The following GKAP1 variants were observed in gnomAD, a reference collection of about 807,000 sequenced individuals.
GKAP1 encodes G kinase anchoring protein 1.
GKAP1 carries 31 observed loss-of-function variants against 56.7 expected under a neutral mutation model. The ratio of observed to expected loss-of-function variants is 0.55; its 90% CI spans 0.41 to 0.74. The LOEUF is 0.74. Among genes scored for constraint, GKAP1 ranks in the 30% least tolerant of loss-of-function variants. The pLI is 0.00. For synonymous variants in GKAP1, 151 were observed against 138.6 expected (o/e 1.09, Z -0.63); for missense variants, 364 against 402.3 (o/e 0.90, Z 0.82).
chr9:83,776,603 C>T (rs1281171717), intron 7 of GKAP1, among the ~76,000 whole-genome samples: 1 of 151,934 alleles, frequency 6.6e-6, no homozygotes, highest in African/African-American at 2.4e-5. Flanking sequence ...GACTGAGGCA[C>T]GAGAATCGCT....
chr9:83,771,726 A>G (rs1943765897), intron 7 of GKAP1, among the ~76,000 whole-genome samples: 1 of 152,208 alleles, frequency 6.6e-6, no homozygotes, highest in African/African-American at 2.4e-5. Flanking sequence ...CTGCTTCATA[A>G]AATAGTTCCA....
intron 6 of GKAP1, among the ~76,000 whole-genome samples, chr9:83,782,355 AT>A (rs914777066): frequency 3.7e-3 from 501 of 135,630 alleles, no homozygotes; most frequent in Middle Eastern, 7.4e-3. Flanking sequence ...CTAATCTTGG[AT>A]TTTTTTTTTT....
chr9:83,784,739 A>G lies in GKAP1; in HGVS notation c.538T>C (p.Ser180Pro). 3 of 1,597,858 alleles carry G rather than the reference A, an allele frequency of 1.9e-6. No homozygotes were observed. Among genetic ancestry groups the G allele is most frequent in the Non-Finnish European group, 2.6e-6 (3 of 1,171,994 alleles). The change falls in exon 6 of 13, where the codon TCA becomes CCA. Residue 180 changes from serine to proline, a missense_variant. By Grantham distance (74) the Ser-to-Pro change is moderately conservative. Coordinates refer to ENST00000376371, the MANE Select transcript of GKAP1 (RefSeq NM_025211.4). ...HQGKDRPLTVSLKDFHSEDHI... is the reference protein window; with the variant it reads ...HQGKDRPLTVPLKDFHSEDHI... ...CCTTCCGAATGAAAATCTTTTAGTG[A>G]TACTGTGAGAGGTCTGTCTTTTCCC...
chr9:83,757,213 A>T (rs970934545), intron 8 of GKAP1, among the ~76,000 whole-genome samples: 1 of 152,180 alleles, frequency 6.6e-6, no homozygotes, highest in African/African-American at 2.4e-5. Context: ...TGTGAAATGA[A>T]TGAAATGAAC....
intron 9 of GKAP1, among the ~76,000 whole-genome samples, chr9:83,749,757 T>C (rs1330588068): frequency 1.7e-5 from 2 of 116,418 alleles, no homozygotes; most frequent in African/African-American, 5.5e-5. Context: ...TAGTACTCTG[T>C]CCATTAAATT....
In GKAP1 at chr9:83,739,657, G is replaced by T; in HGVS notation, c.*40C>A. ...ATATATACAACTTTGCAAAATCCTG[G>T]AAGTTTTAAACTTTGTGTTGACTTC... On this transcript the variant is annotated 3_prime_UTR_variant, in exon 13 of 13. Transcript: ENST00000376371. 6.5e-7 allele frequency: 1 copy of T among 1,549,132 alleles called. No homozygotes were observed. Among genetic ancestry groups the T allele is most frequent in the Non-Finnish European group, 8.8e-7 (1 of 1,140,210 alleles).
intron 4 of GKAP1, among the ~76,000 whole-genome samples, chr9:83,795,588 C>CTT (rs58291258): frequency 0.036 from 3,879 of 108,988 alleles, 214 homozygotes; most frequent in African/African-American, 0.073. Flanking sequence ...CTGAGAGTGT[C>CTT]TTTTTTTTTT....
chr9:83,775,744 G>A (rs889377318), intron 7 of GKAP1, among the ~76,000 whole-genome samples: 2 of 151,400 alleles, frequency 1.3e-5, no homozygotes, highest in Non-Finnish European at 2.9e-5. Context: ...GCGTGGTGCT[G>A]GGCGCCTGTA....
intron 10 of GKAP1, among the ~76,000 whole-genome samples, chr9:83,746,619 T>C (rs1345920575): frequency 5.3e-5 from 8 of 151,932 alleles, no homozygotes; most frequent in Non-Finnish European, 1.0e-4. Flanking sequence ...AGGAGAACAG[T>C]GTGAACCTGG....
chr9:83,748,420 T>C (rs1253206957), intron 9 of GKAP1, 48 bp from the exon 10 acceptor site: 3 of 1,053,632 alleles, frequency 2.8e-6, no homozygotes, highest in African/African-American at 1.6e-5. Flanking sequence ...GTAAGTGATA[T>C]AATTAATGAT....
At chr9:83,807,533 C>T (rs528619529) in intron 2 of GKAP1, among the ~76,000 whole-genome samples, 1 of 152,302 alleles carries the variant, frequency 6.6e-6, no homozygotes, top group Non-Finnish European at 1.5e-5. Context: ...TTAAGATGAA[C>T]ACTCCAAGTA....
chr9:83,811,111 T>C (rs1305326524), intron 2 of GKAP1, among the ~76,000 whole-genome samples: 1 of 152,236 alleles, frequency 6.6e-6, no homozygotes, highest in African/African-American at 2.4e-5. Context: ...TTTATGGGTG[T>C]TCTTACTATT....
chr9:83,815,363 C>CG (rs1203836655), intron 2 of GKAP1, among the ~76,000 whole-genome samples: 2 of 151,562 alleles, frequency 1.3e-5, no homozygotes. Flanking sequence ...CCTCCAGCCT[C>CG]GGCCTCCCAA....
chr9:83,796,702 G>A (rs1463299530), intron 4 of GKAP1, among the ~76,000 whole-genome samples: 1 of 151,628 alleles, frequency 6.6e-6, no homozygotes, highest in Non-Finnish European at 1.5e-5. Flanking sequence ...CCCGACCTCA[G>A]CTGATCCGCC....
At chr9:83,793,613 G>C (rs1292657942) in intron 4 of GKAP1, among the ~76,000 whole-genome samples, 3 of 152,068 alleles carry the variant, frequency 2.0e-5, no homozygotes, top group African/African-American at 2.4e-5. Context: ...CAATAAAAAT[G>C]GTTCATGAGT....
chr9:83,779,348 ATTT>A (rs573985391), intron 7 of GKAP1, among the ~76,000 whole-genome samples: 1 of 150,418 alleles, frequency 6.6e-6, no homozygotes, highest in East Asian at 1.9e-4. Flanking sequence ...TTTAGATGTG[ATTT>A]TTTTTAAGAG....
intron 4 of GKAP1, among the ~76,000 whole-genome samples, chr9:83,790,243 C>T (rs944906995): frequency 6.6e-6 from 1 of 151,834 alleles, no homozygotes; most frequent in African/African-American, 2.4e-5. Context: ...CAGATTAAGC[C>T]CAGTGTAAAT....
At chr9:83,805,176 C>T (rs933797772) in intron 3 of GKAP1, among the ~76,000 whole-genome samples, 2 of 152,126 alleles carry the variant, frequency 1.3e-5, no homozygotes, top group African/African-American at 4.8e-5. Context: ...TACCCCCAAC[C>T]CTGTGCTCTC....
chr9:83,750,707 A>T (rs1243149853), intron 9 of GKAP1, among the ~76,000 whole-genome samples: 2 of 152,088 alleles, frequency 1.3e-5, no homozygotes, highest in Non-Finnish European at 2.9e-5. Flanking sequence ...TCTATTATTC[A>T]TCTCAAGTAT....
Sources: gnomAD v4.1 joint callset for allele counts (sites outside exome capture counted in the v4.1 genomes callset) on GRCh38, gnomAD v4.1.1 for gene constraint, MANE v1.5 for transcripts, NCBI Gene and HGNC (gene_info 2026-07-23, HGNC 2026-07-21) for gene names.